The following PNPLA7 variants were observed in gnomAD, a reference collection of about 807,000 sequenced individuals.
The protein encoded by PNPLA7 is patatin like domain 7, lysophospholipase, also known as patatin-like phospholipase domain-containing protein 7.
A neutral mutation model predicts 161.7 loss-of-function variants in PNPLA7; 153 were observed. The observed-to-expected ratio is 0.95, with a 90% CI of 0.83 to 1.08. PNPLA7 has a LOEUF of 1.08. Ranked by LOEUF, PNPLA7 falls within the 50% of genes least tolerant of loss-of-function variation. The pLI, the probability that PNPLA7 is intolerant of heterozygous loss-of-function variation, is 0.00. For synonymous variants in PNPLA7, 809 were observed against 782.1 expected (o/e 1.03, Z -0.57); for missense variants, 1,739 against 1,856.6 (o/e 0.94, Z 1.16).
chr9:137,548,182 G>A (rs371010345), intron 1 of PNPLA7, among the ~76,000 whole-genome samples: 9 of 152,250 alleles, frequency 5.9e-5, no homozygotes, highest in African/African-American at 2.2e-4. Flanking sequence ...AGGGAAGAGA[G>A]GGTGAGGGCA....
At position 137,479,161 on chromosome 9, in the gene PNPLA7, C is replaced by T. The variant is rs760135582; in HGVS notation, c.2658G>A (p.Ala886=). 106 of 1,572,998 alleles carry T rather than the reference C, an allele frequency of 6.7e-5. No homozygotes were observed. Among genetic ancestry groups the T allele is most frequent in the Middle Eastern group, 1.8e-4 (1 of 5,480 alleles). The change falls in exon 24 of 35, where the codon GCG becomes GCA. Residue 886 remains alanine, a synonymous_variant. Coordinates refer to ENST00000406427, the MANE Select transcript of PNPLA7 (RefSeq NM_001098537.3). The part of the protein sequence containing the change: ...LILLHREEGP[A]PARTVEWLNM... ...TGAGCCACTCCACGGTGCGCGCTGGCGCCGGGCCCTCCTCCCTGTGCAGCA... is the reference window on the plus strand; with the variant it reads ...TGAGCCACTCCACGGTGCGCGCTGGTGCCGGGCCCTCCTCCCTGTGCAGCA...
rs58417100 is a variant in PNPLA7 at position 137,475,010 on chromosome 9, C to CAAA, written c.2882+3021_2882+3023dup. Reference sequence around the variant, plus strand: ...ACTGCGACAGAACAAGACTCTGCCTCAAAAAAAAAAAAAAAAAAAAAAGAA... The same window carrying CAAA: ...ACTGCGACAGAACAAGACTCTGCCTCAAAAAAAAAAAAAAAAAAAAAAAAAGAA... On this transcript the variant is annotated intron_variant, in intron 25 of 34. Transcript: ENST00000406427. Among the ~76,000 whole-genome samples the CAAA allele has an allele frequency of 5.4e-3, 340 of 62,592 alleles. 3 individuals carry two copies. Among genetic ancestry groups the CAAA allele is most frequent in the Non-Finnish European group, 5.7e-3 (204 of 35,540 alleles). The allele number at this position is 62,592 out of a possible 152,430, so 41.1% of individuals were successfully genotyped here.
intron 30 of PNPLA7, 157 bp from the exon 31 acceptor site, chr9:137,462,488 G>C: frequency 7.2e-7 from 1 of 1,394,808 alleles, no homozygotes; most frequent in African/African-American, 1.5e-5. Flanking sequence ...CTCCCTGCGG[G>C]CTGCCACAGC....
In PNPLA7 at chr9:137,503,993, CA is replaced by C. The variant is rs1588626586; in HGVS notation, c.1473+1620del. On this transcript the variant is annotated intron_variant, in intron 14 of 34. Coordinates refer to ENST00000406427, the MANE Select transcript of PNPLA7 (RefSeq NM_001098537.3). Reference sequence around the variant, plus strand: ...AGAAGAAGAAGGAAGAAGAAAGAAGCAAGAAGAAGAAAGAAGAAGGAAGAAG... The same window carrying C: ...AGAAGAAGAAGGAAGAAGAAAGAAGCAGAAGAAGAAAGAAGAAGGAAGAAG... 1.5e-3 allele frequency among the ~76,000 whole-genome samples: 14 copies of C among 9,512 alleles called. 1 individual carries two copies. In the East Asian group the frequency reaches 0.068, roughly 46 times the overall value. The allele number at this position is 9,512 out of a possible 152,430, so 6.2% of individuals were successfully genotyped here. A position where few individuals can be genotyped will look rare whatever the true frequency, so the allele number is the denominator to read the frequency against.
In PNPLA7 at chr9:137,479,714, A is replaced by C. The variant is rs191219299; in HGVS notation, c.2581-476T>G. ...TGAAGGCAGGAAGCTGGAGAACACG[A>C]ACAGGACTGGGTGGCCATGAGCCCG... On this transcript the variant is annotated intron_variant, in intron 23 of 34. Coordinates refer to ENST00000406427, the MANE Select transcript of PNPLA7 (RefSeq NM_001098537.3). 7 of 985,416 alleles carry C rather than the reference A, an allele frequency of 7.1e-6. No homozygotes were observed. The Admixed American group carries it at 4.3e-4, about 61-fold the overall frequency. The allele number at this position is 985,416 out of a possible 1,614,324, so 61.0% of individuals were successfully genotyped here. A position where few individuals can be genotyped will look rare whatever the true frequency, so the allele number is the denominator to read the frequency against.
In PNPLA7 at chr9:137,541,741, G is replaced by A. The variant is rs1298267925; in HGVS notation, c.666+901C>T. On this transcript the variant is annotated intron_variant, in intron 7 of 34. Transcript: ENST00000406427. The surrounding 1 kb of genome is among the most constrained non-coding windows in gnomAD (Gnocchi z 4.4). Reference sequence around the variant, plus strand: ...GCGATTCAAAGGGTGGAATTTAACAGAGGCAGGAAACAAGTATTGAGCTCC... The same window carrying A: ...GCGATTCAAAGGGTGGAATTTAACAAAGGCAGGAAACAAGTATTGAGCTCC... 6.6e-6 allele frequency among the ~76,000 whole-genome samples: 1 copy of A among 152,176 alleles called. No homozygotes were observed. The highest frequency in any genetic ancestry group is 1.5e-5 in the Non-Finnish European group (1 of 68,034).
chr9:137,513,784 A>C (rs901997896), intron 12 of PNPLA7, among the ~76,000 whole-genome samples: 1 of 152,270 alleles, frequency 6.6e-6, no homozygotes, highest in Non-Finnish European at 1.5e-5. Flanking sequence ...AAGTGAAACT[A>C]ACCAGGGACC....
At position 137,543,412 on chromosome 9, in the gene PNPLA7, G is replaced by A. The variant is rs751217152; in HGVS notation, c.506+20C>T. On this transcript the variant is annotated intron_variant, in intron 6 of 34. Coordinates refer to ENST00000406427, the MANE Select transcript of PNPLA7 (RefSeq NM_001098537.3). The surrounding 1 kb of genome is among the most constrained non-coding windows in gnomAD (Gnocchi z 6.9). ...GCTATGGGAGCTGCCGCAGCCCCCGGGGCTCATCCCCGCTCTTACCGAACG... is the reference window on the plus strand; with the variant it reads ...GCTATGGGAGCTGCCGCAGCCCCCGAGGCTCATCCCCGCTCTTACCGAACG... 7.4e-6 allele frequency: 12 copies of A among 1,613,822 alleles called. No homozygotes were observed. The highest frequency in any genetic ancestry group is 9.3e-6 in the Non-Finnish European group (11 of 1,180,012).
At position 137,500,801 on chromosome 9, in the gene PNPLA7, G is replaced by C. The variant is rs144383658; in HGVS notation, c.1647C>G (p.Pro549=). ...QEDTCLFLTR[P]GEMVGQLAVL... ...CGGCCAGCTGGCCCACCATCTCCCC[G>C]GGGCGCGTGAGGAACAAGCAGGTGT... Residue 549 remains proline (P), a synonymous_variant, in exon 16 of 35, where the codon CCC becomes CCG. Coordinates refer to ENST00000406427, the MANE Select transcript of PNPLA7 (RefSeq NM_001098537.3). This position sits in a 1 kb window ranked among gnomAD's most constrained non-coding sequence, Gnocchi z 5.5. 2 of 1,609,642 alleles carry C rather than the reference G, an allele frequency of 1.2e-6. No individual in the cohort carries two copies. Among genetic ancestry groups the C allele is most frequent in the African/African-American group, 2.7e-5 (2 of 75,030 alleles).
chr9:137,506,503 T>C (rs1442317342), intron 12 of PNPLA7, among the ~76,000 whole-genome samples: 1 of 152,140 alleles, frequency 6.6e-6, no homozygotes, highest in African/African-American at 2.4e-5. Flanking sequence ...CCGCCCTCTG[T>C]ATGTGAGCTC....
At chr9:137,471,028 G>A (rs933317339) in intron 25 of PNPLA7, among the ~76,000 whole-genome samples, 1 of 152,222 alleles carries the variant, frequency 6.6e-6, no homozygotes, top group Non-Finnish European at 1.5e-5. Context: ...GGGTGTCTGC[G>A]CCCACCACGT....
At position 137,520,286 on chromosome 9, in the gene PNPLA7, C is replaced by T. The variant is rs1488653184; in HGVS notation, c.958-243G>A. On this transcript the variant is annotated intron_variant, in intron 10 of 34. Transcript: ENST00000406427. The surrounding 1 kb of genome is among the most constrained non-coding windows in gnomAD (Gnocchi z 5.2). ...TACATTTCAGGCAATGGAAAGAGGC[C>T]GATCATCAACCCAGAAATCCAGTTA... 3.9e-5 allele frequency among the ~76,000 whole-genome samples: 6 copies of T among 152,152 alleles called. No homozygotes were observed. The highest frequency in any genetic ancestry group is 4.8e-5 in the African/African-American group (2 of 41,480).
In PNPLA7 at chr9:137,460,097, C is replaced by CG; in HGVS notation, c.*295dup. The CG allele has an allele frequency of 3.1e-6, 1 of 324,506 alleles. No homozygotes were observed. The highest frequency in any genetic ancestry group is 5.9e-6 in the Non-Finnish European group (1 of 168,364). The allele number at this position is 324,506 out of a possible 1,614,324, so 20.1% of individuals were successfully genotyped here. On this transcript the variant is annotated 3_prime_UTR_variant, in exon 35 of 35. Transcript: ENST00000406427. ...GGGCAGCAGGTGGTTCACAGGGCTT[C>CG]GGGGGGCCTCACAGGGCTTCGGGGG...
rs1234723884 is a variant in PNPLA7 at position 137,507,125 on chromosome 9, G to A, written c.1226-1042C>T. On this transcript the variant is annotated intron_variant, in intron 12 of 34. Coordinates refer to ENST00000406427, the MANE Select transcript of PNPLA7 (RefSeq NM_001098537.3). ...TCTCCGAGGCTTACGCTGAGGGTGC[G>A]CTGGTCGGGTTTCACGGAGCTGGCA... 3.9e-5 allele frequency among the ~76,000 whole-genome samples: 6 copies of A among 152,242 alleles called. No individual in the cohort carries two copies. In the East Asian group the frequency reaches 5.8e-4, roughly 15 times the overall value.
At chr9:137,478,884 G>T in intron 24 of PNPLA7, 172 bp downstream of exon 24, 1 of 968,970 alleles carries the variant, frequency 1.0e-6, no homozygotes, top group Non-Finnish European at 1.4e-6. Flanking sequence ...GGCCACCAGA[G>T]GCCCAAAGGG....
At chr9:137,461,860 G>A in intron 32 of PNPLA7, 71 bp downstream of exon 32, 1 of 1,435,830 alleles carries the variant, frequency 7.0e-7, no homozygotes, top group South Asian at 1.4e-5. Context: ...CTGATGAACT[G>A]GGCGTGGGCG....
At chr9:137,516,610 AC>A in intron 11 of PNPLA7, 1 of 631,020 alleles carries the variant, frequency 1.6e-6, no homozygotes, top group Non-Finnish European at 2.0e-6. Flanking sequence ...GGAGTTCAAG[AC>A]CACCCTGGAC....
chr9:137,491,167 G>A (rs924780223), intron 20 of PNPLA7, among the ~76,000 whole-genome samples: 1 of 152,280 alleles, frequency 6.6e-6, no homozygotes, highest in African/African-American at 2.4e-5. Flanking sequence ...GCTGAGGGGG[G>A]GGGAATCACT....
At chr9:137,522,281 A>G (rs921828902) in intron 9 of PNPLA7, among the ~76,000 whole-genome samples, 8 of 149,744 alleles carry the variant, frequency 5.3e-5, no homozygotes, top group Non-Finnish European at 1.0e-4. Flanking sequence ...TCACCGTGTG[A>G]GCCAGGATGG....
Sources: gnomAD v4.1 joint callset for allele counts (sites outside exome capture counted in the v4.1 genomes callset) on GRCh38, gnomAD v4.1.1 for gene constraint, Gnocchi (gnomAD v3.1) non-coding constraint, MANE v1.5 for transcripts, NCBI Gene and HGNC (gene_info 2026-07-23, HGNC 2026-07-21) for gene names.